The following TF variants were observed in gnomAD, a reference collection of about 807,000 sequenced individuals.
TF encodes the protein transferrin, also known as serotransferrin.
In TF, 55 loss-of-function variants were observed where a neutral mutation model predicts 82.4. The observed-to-expected ratio is 0.67, with a 90% CI of 0.54 to 0.84. The LOEUF (loss-of-function observed/expected upper bound fraction) is 0.84, where lower values mean the gene tolerates loss of function less well. TF is among the 40% of genes least tolerant of loss of function. The pLI is 0.00. For synonymous variants in TF, 332 were observed against 332.6 expected (o/e 1.00, Z 0.02); for missense variants, 737 against 868.4 (o/e 0.85, Z 1.90).
chr3:133,724,139 A>G, the TF span, among the ~76,000 whole-genome samples: 1 of 152,228 alleles, frequency 6.6e-6, no homozygotes, highest in Non-Finnish European at 1.5e-5. Context: ...TCTTTATAGC[A>G]GCATGATTTA....
chr3:133,729,035 C>A, the TF span, among the ~76,000 whole-genome samples: 1 of 152,106 alleles, frequency 6.6e-6, no homozygotes, highest in African/African-American at 2.4e-5. Context: ...AGAGGAGTAC[C>A]CGGCCGTGTA....
In TF at chr3:133,759,304, C is replaced by T. The variant is rs747176042; in HGVS notation, c.1178C>T (p.Thr393Ile). 4 of 1,613,590 alleles carry T rather than the reference C, an allele frequency of 2.5e-6. No individual in the cohort carries two copies. Among genetic ancestry groups the T allele is most frequent in the Non-Finnish European group, 3.4e-6 (4 of 1,179,928 alleles). The change falls in exon 9 of 17, where the codon ACC becomes ATC. Residue 393 changes from threonine to isoleucine, a missense_variant. By Grantham distance (89) the Thr-to-Ile change is moderately conservative. Transcript: ENST00000402696. ...GKIECVSAET[T>I]EDCIAKIMNG... ...ATAGAGTGTGTATCAGCAGAGACCA[C>T]CGAAGACTGCATCGCCAAGATCATG...
At chr3:133,765,622 C>T (rs1934109045) in intron 11 of TF, among the ~76,000 whole-genome samples, 1 of 152,146 alleles carries the variant, frequency 6.6e-6, no homozygotes, top group South Asian at 2.1e-4. Context: ...GGAGCTAAGC[C>T]CTTCAGCAGA....
chr3:133,695,657 G>A, the TF span, among the ~76,000 whole-genome samples: 4 of 152,206 alleles, frequency 2.6e-5, no homozygotes, highest in African/African-American at 7.2e-5. Flanking sequence ...CCACAGGAGA[G>A]TTTCTATGTA....
At chr3:133,698,222 A>G in the TF span, among the ~76,000 whole-genome samples, 122,679 of 152,258 alleles carry the variant, frequency 0.81, 49,754 homozygotes, top group African/African-American at 0.86. Context: ...ATCAATCTGC[A>G]CTTTCATTGC....
chr3:133,736,973 T>C, the TF span, among the ~76,000 whole-genome samples: 4 of 152,148 alleles, frequency 2.6e-5, no homozygotes, highest in African/African-American at 9.7e-5. Flanking sequence ...GCGGACCTAA[T>C]AGACATCTAC....
intron 14 of TF, 128 bp downstream of exon 14, chr3:133,770,700 C>T: frequency 9.1e-7 from 1 of 1,099,536 alleles, no homozygotes; most frequent in Non-Finnish European, 1.4e-6. Flanking sequence ...GATTCTCAGT[C>T]TGTCTGCTCA....
At chr3:133,777,530 C>T (rs1187738265) in intron 16 of TF, 2 of 340,862 alleles carry the variant, frequency 5.9e-6, no homozygotes, top group Non-Finnish European at 1.1e-5. Flanking sequence ...CATTGCTCTG[C>T]AGTAAACTTT....
intron 14 of TF, chr3:133,774,950 A>T (rs1934349242): frequency 2.7e-6 from 1 of 375,446 alleles, no homozygotes; most frequent in Non-Finnish European, 5.2e-6. Flanking sequence ...GTGTGTGCAC[A>T]TTCTCATTTA....
the TF span, among the ~76,000 whole-genome samples, chr3:133,730,503 G>C: frequency 6.6e-6 from 1 of 152,296 alleles, no homozygotes; most frequent in Non-Finnish European, 1.5e-5. Context: ...AGTCAACCTT[G>C]CAGTCCTAAG....
chr3:133,662,318 G>C, the TF span: 3 of 152,408 alleles, frequency 2.0e-5, no homozygotes, highest in African/African-American at 7.2e-5. Flanking sequence ...GTTCCATTTT[G>C]TAGATGTAAA....
chr3:133,729,091 C>T, the TF span, among the ~76,000 whole-genome samples: 2 of 152,178 alleles, frequency 1.3e-5, no homozygotes, highest in African/African-American at 2.4e-5. Context: ...AGTTAGGCTG[C>T]TTGGGGGTCA....
the TF span, among the ~76,000 whole-genome samples, chr3:133,662,767 A>T: frequency 6.6e-6 from 1 of 152,196 alleles, no homozygotes; most frequent in Non-Finnish European, 1.5e-5. Context: ...TTATTTTATA[A>T]AATCTAGCCA....
At chr3:133,729,562 A>G in the TF span, among the ~76,000 whole-genome samples, 1 of 151,768 alleles carries the variant, frequency 6.6e-6, no homozygotes, top group South Asian at 2.1e-4. Flanking sequence ...GCTGTCTGTC[A>G]CCCCTTTCCT....
At chr3:133,754,761 C>T in intron 4 of TF, 90 bp downstream of exon 4, 2 of 1,410,594 alleles carry the variant, frequency 1.4e-6, no homozygotes, top group Admixed American at 3.4e-5. Context: ...CATCAGCAGA[C>T]ATGTGGGATG....
chr3:133,683,263 A>G, the TF span, among the ~76,000 whole-genome samples: 1 of 152,240 alleles, frequency 6.6e-6, no homozygotes, highest in South Asian at 2.1e-4. Flanking sequence ...CAAATTGTAA[A>G]GACCATCAAA....
the TF span, among the ~76,000 whole-genome samples, chr3:133,705,291 G>A: frequency 3.4e-5 from 5 of 147,328 alleles, no homozygotes; most frequent in African/African-American, 1.2e-4. Flanking sequence ...AAAAAAAAAG[G>A]ATAAATGATG....
chr3:133,736,431 C>G, the TF span, among the ~76,000 whole-genome samples: 1 of 152,026 alleles, frequency 6.6e-6, no homozygotes, highest in African/African-American at 2.4e-5. Context: ...ATCATAATGA[C>G]AGGATCAAAT....
rs1933824317 is a variant in TF at position 133,756,192 on chromosome 3, T to G, written c.636-90T>G. The G allele has an allele frequency of 9.3e-6, 12 of 1,292,668 alleles. No individual in the cohort carries two copies. The South Asian group carries it at 1.4e-4, about 15-fold the overall frequency. 80.1% of individuals were successfully genotyped at this position (1,292,668 alleles called of 1,614,324 possible). A position where few individuals can be genotyped will look rare whatever the true frequency, so the allele number is the denominator to read the frequency against. On this transcript the variant is annotated intron_variant, in intron 5 of 16. Transcript: ENST00000402696. ...GGGGCTGCACCAGGCTCTATCCTAG[T>G]GTGAGTGCTGGACAGTGTGATCAGA...
Sources: gnomAD v4.1 joint callset for allele counts (sites outside exome capture counted in the v4.1 genomes callset) on GRCh38, gnomAD v4.1.1 for gene constraint, MANE v1.5 for transcripts, NCBI Gene and HGNC (gene_info 2026-07-23, HGNC 2026-07-21) for gene names.